The following WDR49 variants were observed in gnomAD, a reference collection of about 807,000 sequenced individuals.
WDR49 encodes the protein cilia- and flagella-associated protein 337.
In WDR49, 107 loss-of-function variants were observed where a neutral mutation model predicts 119.5. The ratio of observed to expected loss-of-function variants is 0.90; its 90% CI spans 0.77 to 1.05. The LOEUF (loss-of-function observed/expected upper bound fraction) is 1.05. Ranked by LOEUF, WDR49 falls within the 50% of genes least tolerant of loss-of-function variation. The pLI, the probability that WDR49 is intolerant of heterozygous loss-of-function variation, is 0.00. For missense variants in WDR49, 1,240 were observed against 1,220.5 expected (o/e 1.02, Z -0.24); for synonymous variants, 425 against 418.8 (o/e 1.01, Z -0.18).
intron 8 of WDR49, among the ~76,000 whole-genome samples, chr3:167,574,838 T>C (rs1714147065): frequency 1.3e-5 from 2 of 152,034 alleles, no homozygotes; most frequent in South Asian, 4.2e-4. Flanking sequence ...CACCAGGGAG[T>C]CAAATTAACT....
chr3:167,481,371 A>G (rs1750712769), intron 18 of WDR49, among the ~76,000 whole-genome samples: 1 of 152,128 alleles, frequency 6.6e-6, no homozygotes, highest in South Asian at 2.1e-4. Context: ...AGAGGAAGTG[A>G]TGAAATATGA....
intron 18 of WDR49, among the ~76,000 whole-genome samples, chr3:167,482,455 G>A (rs558342770): frequency 2.0e-3 from 296 of 151,780 alleles, no homozygotes; most frequent in African/African-American, 7.0e-3. Context: ...GGATCATGAG[G>A]TCAGGAGATC....
chr3:167,577,644 T>C (rs927041621), intron 7 of WDR49, among the ~76,000 whole-genome samples: 1 of 152,164 alleles, frequency 6.6e-6, no homozygotes, highest in Non-Finnish European at 1.5e-5. Context: ...TCAATGAATG[T>C]TCCTTATTAT....
intron 2 of WDR49, among the ~76,000 whole-genome samples, chr3:167,629,857 T>C (rs2420033): frequency 0.35 from 52,778 of 151,946 alleles, 10,903 homozygotes; most frequent in African/African-American, 0.59. Context: ...GAAGATGTGA[T>C]TGAATTGCTG....
intron 10 of WDR49, among the ~76,000 whole-genome samples, chr3:167,545,936 C>A (rs1456178926): frequency 1.3e-5 from 2 of 151,462 alleles, no homozygotes; most frequent in African/African-American, 4.8e-5. Context: ...AAAGGCTTCA[C>A]AAGATAAGGT....
At chr3:167,652,882 T>C (rs1467965801) in intron 2 of WDR49, among the ~76,000 whole-genome samples, 2 of 152,172 alleles carry the variant, frequency 1.3e-5, no homozygotes, top group Non-Finnish European at 2.9e-5. Flanking sequence ...TCTATGTCCG[T>C]ATTAAATGCA....
At chr3:167,586,468 C>T (rs1436178839) in intron 7 of WDR49, among the ~76,000 whole-genome samples, 1 of 152,164 alleles carries the variant, frequency 6.6e-6, no homozygotes, top group East Asian at 1.9e-4. Context: ...AATGAAGTTT[C>T]AGATCATTTT....
chr3:167,629,702 G>T (rs920720002), intron 2 of WDR49, among the ~76,000 whole-genome samples: 2 of 152,128 alleles, frequency 1.3e-5, no homozygotes, highest in Non-Finnish European at 1.5e-5. Flanking sequence ...ATGGGAGGAA[G>T]TCAAAATGTC....
intron 10 of WDR49, among the ~76,000 whole-genome samples, chr3:167,546,700 A>G (rs1172589030): frequency 6.6e-6 from 1 of 151,774 alleles, no homozygotes; most frequent in Non-Finnish European, 1.5e-5. Context: ...GCAAAAAAAA[A>G]AAAAAAGAAA....
chr3:167,620,605 T>C lies in WDR49; in HGVS notation c.784-2A>G. ...TGCGGTGAAAGCAATTGCTTGAACC[T>C]TGACAGAGACATTGAAAGAACAACA... On this transcript the variant is annotated splice_acceptor_variant, in intron 4 of 18. Coordinates refer to ENST00000682715, the MANE Select transcript of WDR49 (RefSeq NM_001366157.1). LOFTEE classifies it high-confidence loss of function. 6.5e-7 allele frequency: 1 copy of C among 1,528,610 alleles called. No homozygotes were observed. The allele number at this position is 1,528,610 out of a possible 1,614,324, so 94.7% of individuals were successfully genotyped here. A position where few individuals can be genotyped will look rare whatever the true frequency, so the allele number is the denominator to read the frequency against.
At chr3:167,489,876 G>A (rs1225751949) in intron 18 of WDR49, among the ~76,000 whole-genome samples, 3 of 151,984 alleles carry the variant, frequency 2.0e-5, no homozygotes, top group Non-Finnish European at 4.4e-5. Flanking sequence ...GTCCTATTTT[G>A]CGTCTTCTAG....
chr3:167,543,335 A>T (rs1711958257), intron 10 of WDR49, among the ~76,000 whole-genome samples: 1 of 151,956 alleles, frequency 6.6e-6, no homozygotes. Context: ...AGGACATAAT[A>T]AAAAAAGAAA....
chr3:167,525,858 C>CAA (rs199969104), intron 15 of WDR49, among the ~76,000 whole-genome samples: 4 of 6,854 alleles, frequency 5.8e-4, no homozygotes, highest in African/African-American at 3.3e-3. Flanking sequence ...AACAAACAAA[C>CAA]AACAAAAAAA....
At chr3:167,485,936 C>A (rs978104722) in intron 18 of WDR49, among the ~76,000 whole-genome samples, 8 of 151,176 alleles carry the variant, frequency 5.3e-5, no homozygotes, top group Non-Finnish European at 1.0e-4. Context: ...GGGCCATCCC[C>A]AAGGCACATA....
chr3:167,561,109 C>A (rs116373920), intron 8 of WDR49, among the ~76,000 whole-genome samples: 2,216 of 152,192 alleles, frequency 0.015, 52 homozygotes, highest in African/African-American at 0.049. Flanking sequence ...TATTGATTAC[C>A]ATTGTATAAA....
At chr3:167,628,379 G>A (rs912468607) in intron 2 of WDR49, among the ~76,000 whole-genome samples, 3 of 152,108 alleles carry the variant, frequency 2.0e-5, no homozygotes, top group African/African-American at 7.2e-5. Flanking sequence ...AGTTATGAAT[G>A]TAAAGGAAAA....
At chr3:167,604,640 A>C (rs1432015260) in intron 5 of WDR49, among the ~76,000 whole-genome samples, 172 bp from the exon 6 acceptor site, 1 of 152,158 alleles carries the variant, frequency 6.6e-6, no homozygotes, top group African/African-American at 2.4e-5. Flanking sequence ...CCACAAAAGA[A>C]TTCCATTGAG....
chr3:167,492,283 A>T (rs570105822), intron 18 of WDR49, among the ~76,000 whole-genome samples: 2 of 152,252 alleles, frequency 1.3e-5, no homozygotes, highest in African/African-American at 2.4e-5. Context: ...TAGAAATAAG[A>T]GCAAGAATAA....
chr3:167,532,491 G>A (rs1752884270), intron 12 of WDR49, among the ~76,000 whole-genome samples: 1 of 152,080 alleles, frequency 6.6e-6, no homozygotes, highest in African/African-American at 2.4e-5. Flanking sequence ...ACAAGCTCTA[G>A]ATTGAGTCTG....
Sources: gnomAD v4.1 joint callset for allele counts (sites outside exome capture counted in the v4.1 genomes callset) on GRCh38, gnomAD v4.1.1 for gene constraint, MANE v1.5 for transcripts, NCBI Gene and HGNC (gene_info 2026-07-23, HGNC 2026-07-21) for gene names.